The following ANKS1B variants were observed in gnomAD, a reference collection of about 807,000 sequenced individuals.
ANKS1B encodes the protein ankyrin repeat and sterile alpha motif domain containing 1B, also known as ankyrin repeat and sterile alpha motif domain-containing protein 1B.
In ANKS1B, 36 loss-of-function variants were observed where a neutral mutation model predicts 148.3. The ratio of observed to expected loss-of-function variants is 0.24; its 90% confidence interval spans 0.19 to 0.32. The LOEUF is 0.32. ANKS1B is among the 10% of genes least tolerant of loss of function. The pLI, the probability that ANKS1B is intolerant of heterozygous loss-of-function variation, is 1.00. For missense variants in ANKS1B, 1,157 were observed against 1,542.6 expected (o/e 0.75, Z 4.19); for synonymous variants, 542 against 560.8 (o/e 0.97, Z 0.47).
At chr12:99,683,279 A>G in intron 8 of ANKS1B, among the ~76,000 whole-genome samples, 1 of 152,218 alleles carries the variant, frequency 6.6e-6, no homozygotes, top group East Asian at 1.9e-4. Context: ...AAGCTCAATT[A>G]GAAATGAAAT....
At chr12:98,913,531 T>A (rs938899719) in intron 17 of ANKS1B, among the ~76,000 whole-genome samples, 4 of 152,228 alleles carry the variant, frequency 2.6e-5, no homozygotes, top group Non-Finnish European at 5.9e-5. Context: ...ACTGCCCACA[T>A]GTTGACACTT....
chr12:99,621,405 T>C (rs1287055287), intron 9 of ANKS1B, among the ~76,000 whole-genome samples: 1 of 150,210 alleles, frequency 6.7e-6, no homozygotes, highest in African/African-American at 2.5e-5. Context: ...CCAATATTAG[T>C]ATTGAATATA....
chr12:98,826,053 AG>A (rs1942624700), intron 19 of ANKS1B, among the ~76,000 whole-genome samples: 1 of 152,216 alleles, frequency 6.6e-6, no homozygotes, highest in South Asian at 2.1e-4. Flanking sequence ...GGAGTGTTTC[AG>A]AACTTCTGGG....
intron 1 of ANKS1B, among the ~76,000 whole-genome samples, chr12:99,880,254 T>C (rs1035991501): frequency 1.3e-5 from 2 of 152,112 alleles, no homozygotes; most frequent in Non-Finnish European, 2.9e-5. Context: ...CTGAAAACAA[T>C]ACTATGAGGT....
chr12:99,692,635 C>T lies in ANKS1B; in HGVS notation c.1129-37425G>A, dbSNP rs541155630. ...GCAGCAAGCTGAGATCGCACCACTG[C>T]ACTCCAGCCTGGGTGACAGAGCAAG... On this transcript the variant is annotated intron_variant, in intron 8 of 26. Transcript: ENST00000683438. Among the ~76,000 whole-genome samples the T allele has an allele frequency of 3.0e-3, 444 of 145,982 alleles. 2 individuals are homozygous for T. The highest frequency in any genetic ancestry group is 0.014 in the Middle Eastern group (4 of 286).
At chr12:99,821,342 A>G (rs371586338) in intron 2 of ANKS1B, among the ~76,000 whole-genome samples, 1 of 152,054 alleles carries the variant, frequency 6.6e-6, no homozygotes, top group East Asian at 1.9e-4. Flanking sequence ...AAAAGCACAG[A>G]CATATAATTC....
At chr12:99,137,103 C>T (rs1343875161) in intron 15 of ANKS1B, among the ~76,000 whole-genome samples, 1 of 152,192 alleles carries the variant, frequency 6.6e-6, no homozygotes, top group East Asian at 1.9e-4. Flanking sequence ...TAACAGGAAG[C>T]AGAGAAGCCT....
In ANKS1B at chr12:98,772,895, C is replaced by T. The variant is rs755776696; in HGVS notation, c.3579+147G>A. 1.0e-4 allele frequency: 83 copies of T among 823,624 alleles called. 1 individual carries two copies. Among genetic ancestry groups the T allele is most frequent in the Admixed American group, 4.3e-4 (13 of 29,996 alleles). The allele number at this position is 823,624 out of a possible 1,614,324, so 51.0% of individuals were successfully genotyped here. ...CTCGGTCTGTGGTACTTTGTTATGG[C>T]AGCCCTAGCAAACAAATACACTTGG... On this transcript the variant is annotated intron_variant, in intron 25 of 26. Transcript: ENST00000683438.
chr12:99,517,371 C>T (rs1157374486), intron 9 of ANKS1B, among the ~76,000 whole-genome samples: 1 of 151,790 alleles, frequency 6.6e-6, no homozygotes, highest in Non-Finnish European at 1.5e-5. Context: ...TATCCTGACA[C>T]TACTAAATTT....
intron 1 of ANKS1B, among the ~76,000 whole-genome samples, chr12:99,907,628 C>T (rs2093833302): frequency 6.6e-6 from 1 of 151,976 alleles, no homozygotes; most frequent in African/African-American, 2.4e-5. Flanking sequence ...GTGCTACTTC[C>T]CAGCAAAAGG....
intron 15 of ANKS1B, among the ~76,000 whole-genome samples, chr12:99,114,131 T>G (rs2060853348): frequency 6.6e-6 from 1 of 152,230 alleles, no homozygotes; most frequent in Non-Finnish European, 1.5e-5. Flanking sequence ...ATGATCATTT[T>G]CATTTCACCA....
chr12:99,343,500 C>T (rs2152341445), intron 12 of ANKS1B, among the ~76,000 whole-genome samples: 1 of 152,070 alleles, frequency 6.6e-6, no homozygotes, highest in Middle Eastern at 3.4e-3. Flanking sequence ...TTTATCTGTC[C>T]TCTGAATCTC....
intron 8 of ANKS1B, among the ~76,000 whole-genome samples, chr12:99,663,607 G>T (rs1158329799): frequency 1.3e-5 from 2 of 152,060 alleles, no homozygotes; most frequent in Non-Finnish European, 2.9e-5. Flanking sequence ...AAAGGAAGAA[G>T]AAAAACAAGT....
At chr12:99,490,890 A>G (rs145023990) in intron 10 of ANKS1B, among the ~76,000 whole-genome samples, 54 of 152,364 alleles carry the variant, frequency 3.5e-4, no homozygotes, top group Middle Eastern at 3.4e-3. Context: ...TGAATAGTTA[A>G]ATATGAGACT....
chr12:98,740,587 C>T (rs943649956), downstream of ANKS1B, among the ~76,000 whole-genome samples: 1 of 152,188 alleles, frequency 6.6e-6, no homozygotes, highest in African/African-American at 2.4e-5. Context: ...AAGTGTCTCA[C>T]ATGTGTGTGC....
chr12:99,857,943 A>G (rs1225419178), intron 1 of ANKS1B, among the ~76,000 whole-genome samples: 1 of 152,216 alleles, frequency 6.6e-6, no homozygotes, highest in East Asian at 1.9e-4. Context: ...TCTAGAAGAC[A>G]CATTGGAAAA....
intron 17 of ANKS1B, among the ~76,000 whole-genome samples, chr12:98,848,182 A>G (rs2099493648): frequency 6.6e-6 from 1 of 152,232 alleles, no homozygotes; most frequent in East Asian, 1.9e-4. Flanking sequence ...ATTTGTTAGA[A>G]AACAGTTTAA....
intron 17 of ANKS1B, among the ~76,000 whole-genome samples, chr12:98,860,620 C>T (rs149858): frequency 0.73 from 111,024 of 152,150 alleles, 41,310 homozygotes; most frequent in East Asian, 0.99. Context: ...TGAGAACACA[C>T]GGTGTTTGGT....
intron 9 of ANKS1B, among the ~76,000 whole-genome samples, chr12:99,531,373 C>T (rs757636031): frequency 6.6e-6 from 1 of 152,162 alleles, no homozygotes; most frequent in Admixed American, 6.5e-5. Flanking sequence ...ACTCTCCCCC[C>T]TTCTGAGTCT....
Sources: gnomAD v4.1 joint callset for allele counts (sites outside exome capture counted in the v4.1 genomes callset) on GRCh38, gnomAD v4.1.1 for gene constraint, MANE v1.5 for transcripts, NCBI Gene and HGNC (gene_info 2026-07-23, HGNC 2026-07-21) for gene names.